AK9: variants seen among roughly 807,000 people sequenced by gnomAD.
AK9 encodes the protein adenylate kinase domain containing 1.
Under a neutral mutation model 239.6 loss-of-function variants are expected in AK9, and 191 were observed. That is an observed-to-expected ratio of 0.80 (90% CI 0.71 to 0.90). AK9 has a LOEUF of 0.90. Among genes scored for constraint, AK9 ranks in the 40% least tolerant of loss-of-function variants. The pLI, the probability that AK9 is intolerant of heterozygous loss-of-function variation, is 0.00. For missense variants in AK9, 1,995 were observed against 2,214.7 expected, an observed-to-expected ratio of 0.90 and a Z score of 1.99; for synonymous variants, 689 against 721.0, an observed-to-expected ratio of 0.96 and a Z score of 0.71.
intron 12 of AK9, among the ~76,000 whole-genome samples, chr6:109,626,801 A>G (rs1795574604): frequency 6.6e-6 from 1 of 152,222 alleles, no homozygotes; most frequent in Non-Finnish European, 1.5e-5. Context: ...GGAACTTACC[A>G]TGAATGAAAC....
intron 19 of AK9, among the ~76,000 whole-genome samples, chr6:109,583,905 C>T (rs1789161044): frequency 6.6e-6 from 1 of 152,098 alleles, no homozygotes; most frequent in Non-Finnish European, 1.5e-5. Context: ...CTAGTTCTCA[C>T]ACACTGGAAA....
At chr6:109,610,189 G>A (rs1284158215) in intron 17 of AK9, among the ~76,000 whole-genome samples, 176 bp downstream of exon 17, 2 of 152,184 alleles carry the variant, frequency 1.3e-5, no homozygotes, top group Admixed American at 1.3e-4. Flanking sequence ...AAGAGCATCA[G>A]TAGTTGTTCA....
intron 8 of AK9, among the ~76,000 whole-genome samples, chr6:109,656,448 C>T (rs1583457475): frequency 1.3e-5 from 2 of 152,124 alleles, no homozygotes; most frequent in East Asian, 3.9e-4. Context: ...ATTGAAAATG[C>T]TTTTATAACA....
At chr6:109,620,745 ATATG>A (rs1443521101) in intron 12 of AK9, among the ~76,000 whole-genome samples, 2 of 151,850 alleles carry the variant, frequency 1.3e-5, no homozygotes, top group African/African-American at 2.4e-5. Context: ...ATATGAATAC[ATATG>A]TATGGTATAC....
At chr6:109,516,403 T>C in intron 30 of AK9, 27 bp downstream of exon 30, 1 of 1,526,254 alleles carries the variant, frequency 6.6e-7, no homozygotes, top group Non-Finnish European at 8.9e-7. Flanking sequence ...ACTTTTGAAT[T>C]ATAAAAAGCA....
At chr6:109,532,033 T>C (rs1781345711) in intron 28 of AK9, among the ~76,000 whole-genome samples, 1 of 152,184 alleles carries the variant, frequency 6.6e-6, no homozygotes, top group Non-Finnish European at 1.5e-5. Flanking sequence ...GTCTGAGCAA[T>C]GAAAGAGGAA....
chr6:109,580,796 T>C (rs1229606781), intron 19 of AK9, among the ~76,000 whole-genome samples: 1 of 152,246 alleles, frequency 6.6e-6, no homozygotes, highest in Non-Finnish European at 1.5e-5. Flanking sequence ...CTACTGAGTG[T>C]TGTTTCTGAA....
At chr6:109,570,554 T>C (rs1403365199) in intron 21 of AK9, among the ~76,000 whole-genome samples, 1 of 152,128 alleles carries the variant, frequency 6.6e-6, no homozygotes, top group Non-Finnish European at 1.5e-5. Context: ...AACCCACTTG[T>C]ACCCCTAAAA....
chr6:109,505,379 C>G (rs945829497), intron 35 of AK9, among the ~76,000 whole-genome samples: 1 of 152,168 alleles, frequency 6.6e-6, no homozygotes, highest in Non-Finnish European at 1.5e-5. Flanking sequence ...TTAGAGATAT[C>G]AGATGTAGAT....
intron 5 of AK9, 150 bp downstream of exon 5, chr6:109,671,769 A>C: frequency 1.6e-6 from 1 of 633,200 alleles, no homozygotes; most frequent in Non-Finnish European, 2.7e-6. Flanking sequence ...CAAGCAAATA[A>C]AACCATCTGA....
chr6:109,681,907 C>T (rs539600700), intron 1 of AK9, among the ~76,000 whole-genome samples: 8 of 152,214 alleles, frequency 5.3e-5, no homozygotes, highest in East Asian at 1.9e-4. Context: ...GAAGACACAA[C>T]GTATGAGAAT....
chr6:109,573,602 A>T lies in AK9; in HGVS notation c.2192-8T>A. ...TATCAGTCTCTTCAGCTTCTAAAAA[A>T]ATTTGAAGAAATAAATTATCATTTG... On this transcript the variant is annotated splice_region_variant and splice_polypyrimidine_tract_variant and intron_variant, in intron 20 of 40. Transcript: ENST00000424296. 1 of 1,533,786 alleles carries T rather than the reference A, an allele frequency of 6.5e-7. No individual in the cohort carries two copies. Among genetic ancestry groups the T allele is most frequent in the Non-Finnish European group, 8.8e-7 (1 of 1,140,034 alleles).
chr6:109,606,609 A>G (rs1020937824), intron 17 of AK9, among the ~76,000 whole-genome samples: 1 of 152,178 alleles, frequency 6.6e-6, no homozygotes, highest in East Asian at 1.9e-4. Flanking sequence ...ATCTCCCTAG[A>G]GGTTGCTACT....
At chr6:109,613,963 T>A (rs1023910107) in intron 15 of AK9, among the ~76,000 whole-genome samples, 1 of 152,188 alleles carries the variant, frequency 6.6e-6, no homozygotes, top group African/African-American at 2.4e-5. Flanking sequence ...TGGGCTCTAA[T>A]TGTATCTGAC....
intron 29 of AK9, among the ~76,000 whole-genome samples, chr6:109,524,941 C>T (rs980995809): frequency 9.2e-5 from 14 of 152,224 alleles, no homozygotes; most frequent in African/African-American, 2.6e-4. Flanking sequence ...TACTAAAAAA[C>T]GAAGCATAGA....
intron 1 of AK9, among the ~76,000 whole-genome samples, chr6:109,679,756 G>A (rs1248847405): frequency 6.6e-6 from 1 of 152,208 alleles, no homozygotes; most frequent in African/African-American, 2.4e-5. Context: ...TTCAGAGGAA[G>A]GAACAGGCAG....
intron 21 of AK9, among the ~76,000 whole-genome samples, chr6:109,566,923 T>G (rs370300991): frequency 6.6e-6 from 1 of 152,250 alleles, no homozygotes; most frequent in African/African-American, 2.4e-5. Flanking sequence ...GGGACACATT[T>G]AAAGCAGTGT....
intron 17 of AK9, among the ~76,000 whole-genome samples, chr6:109,592,412 T>C (rs1450631439): frequency 6.6e-6 from 1 of 151,504 alleles, no homozygotes; most frequent in Non-Finnish European, 1.5e-5. Flanking sequence ...ATAAGGTTTC[T>C]GGTGAGAAGT....
At chr6:109,524,513 A>T (rs1780220987) in intron 29 of AK9, among the ~76,000 whole-genome samples, 1 of 152,218 alleles carries the variant, frequency 6.6e-6, no homozygotes, top group Non-Finnish European at 1.5e-5. Context: ...ATGTAGGTAC[A>T]CCATAACCAA....
Sources: gnomAD v4.1 joint callset for allele counts (sites outside exome capture counted in the v4.1 genomes callset) on GRCh38, gnomAD v4.1.1 for gene constraint, MANE v1.5 for transcripts, NCBI Gene and HGNC (gene_info 2026-07-23, HGNC 2026-07-21) for gene names.